Variants in RCAN2 observed in about 807,000 individuals in gnomAD.
RCAN2 encodes calcipressin-2.
RCAN2 carries 9 observed loss-of-function variants against 23.6 expected under a neutral mutation model. The observed-to-expected ratio is 0.38, with a 90% CI of 0.23 to 0.67. The LOEUF (loss-of-function observed/expected upper bound fraction) is 0.67. RCAN2 is among the 30% of genes least tolerant of loss of function. The pLI is 0.51. For synonymous variants in RCAN2, 109 were observed against 115.7 expected (o/e 0.94, Z 0.37); for missense variants, 273 against 302.3 (o/e 0.90, Z 0.72).
chr6:46,319,878 C>T (rs562465921), intron 2 of RCAN2, among the ~76,000 whole-genome samples: 1 of 152,270 alleles, frequency 6.6e-6, no homozygotes, highest in East Asian at 1.9e-4. Flanking sequence ...TGCCATCTCT[C>T]TTGCCACCTC....
chr6:46,228,025 C>G (rs80166814), intron 4 of RCAN2, among the ~76,000 whole-genome samples: 2 of 152,116 alleles, frequency 1.3e-5, no homozygotes, highest in South Asian at 2.1e-4. Flanking sequence ...CCTTCATTTC[C>G]TTATGTACCC....
rs16874605 is a variant in RCAN2 at position 46,440,519 on chromosome 6, T to C, written c.225+16233A>G. ...CATCCTTAATGATCACTGGACATCT[T>C]CTTTACATGTTAAAAGATGATTGTT... On this transcript the variant is annotated intron_variant, in intron 2 of 4. Coordinates refer to ENST00000371374, the MANE Select transcript of RCAN2 (RefSeq NM_001251974.2). Among the ~76,000 whole-genome samples, 311 of 152,080 alleles carry C rather than the reference T, an allele frequency of 2.0e-3. 7 individuals are homozygous for C. In the East Asian group the frequency reaches 0.054, roughly 27 times the overall value.
intron 2 of RCAN2, among the ~76,000 whole-genome samples, chr6:46,415,699 TA>T (rs955167667): frequency 7.3e-5 from 11 of 151,526 alleles, no homozygotes; most frequent in South Asian, 4.2e-4. Context: ...CAATGACTTT[TA>T]AAAAAAAATT....
intron 2 of RCAN2, among the ~76,000 whole-genome samples, chr6:46,294,289 C>T (rs1762652135): frequency 6.6e-6 from 1 of 152,120 alleles, no homozygotes; most frequent in African/African-American, 2.4e-5. Flanking sequence ...TTTATTGAAT[C>T]AGAAAACATA....
intron 2 of RCAN2, among the ~76,000 whole-genome samples, chr6:46,418,473 G>C (rs186960660): frequency 4.0e-5 from 6 of 151,640 alleles, no homozygotes; most frequent in African/African-American, 1.5e-4. Context: ...CTTACAATCA[G>C]TGCCTTGTAA....
At chr6:46,362,882 C>G (rs911894430) in intron 2 of RCAN2, among the ~76,000 whole-genome samples, 1 of 152,142 alleles carries the variant, frequency 6.6e-6, no homozygotes, top group African/African-American at 2.4e-5. Flanking sequence ...TTCCTCTTAT[C>G]AGGGGATGAA....
intron 2 of RCAN2, among the ~76,000 whole-genome samples, chr6:46,278,826 T>C (rs1582057951): frequency 1.3e-5 from 2 of 152,334 alleles, no homozygotes; most frequent in East Asian, 3.9e-4. Flanking sequence ...TGCAAATATT[T>C]TAAAATTCCA....
intron 2 of RCAN2, 36 bp downstream of exon 2, chr6:46,456,716 C>T (rs754743026): frequency 1.4e-5 from 19 of 1,406,156 alleles, no homozygotes; most frequent in Non-Finnish European, 1.8e-5. Flanking sequence ...AATGCCATAT[C>T]TCCCCATGTT....
intron 2 of RCAN2, among the ~76,000 whole-genome samples, chr6:46,268,241 T>A (rs1767406312): frequency 6.6e-6 from 1 of 152,222 alleles, no homozygotes; most frequent in Non-Finnish European, 1.5e-5. Context: ...AATTCCTAAA[T>A]GCATTTCTAC....
At chr6:46,287,087 C>G (rs1444846304) in intron 2 of RCAN2, among the ~76,000 whole-genome samples, 1 of 152,048 alleles carries the variant, frequency 6.6e-6, no homozygotes, top group Non-Finnish European at 1.5e-5. Context: ...TAGGAAGTGA[C>G]TGGCAGAGCC....
intron 2 of RCAN2, among the ~76,000 whole-genome samples, chr6:46,272,769 C>T (rs1307473884): frequency 6.6e-6 from 1 of 152,150 alleles, no homozygotes; most frequent in East Asian, 1.9e-4. Context: ...AATTTTCAGT[C>T]TGTATCACTC....
intron 2 of RCAN2, among the ~76,000 whole-genome samples, chr6:46,429,222 G>A (rs1767118014): frequency 6.6e-6 from 1 of 152,186 alleles, no homozygotes; most frequent in Admixed American, 6.5e-5. Flanking sequence ...GGGGAACACA[G>A]TATGCTAGAT....
At chr6:46,396,333 G>C (rs1370616919) in intron 2 of RCAN2, among the ~76,000 whole-genome samples, 1 of 152,140 alleles carries the variant, frequency 6.6e-6, no homozygotes, top group East Asian at 1.9e-4. Flanking sequence ...ATGGTGCTCA[G>C]AACTATGAAG....
At chr6:46,429,903 C>T (rs1008575411) in intron 2 of RCAN2, among the ~76,000 whole-genome samples, 5 of 152,042 alleles carry the variant, frequency 3.3e-5, no homozygotes, top group Non-Finnish European at 5.9e-5. Flanking sequence ...CATGCAAAGA[C>T]CCTGGGAATA....
intron 2 of RCAN2, among the ~76,000 whole-genome samples, chr6:46,326,078 T>G (rs115580035): frequency 1.9e-3 from 295 of 152,262 alleles, no homozygotes; most frequent in African/African-American, 6.4e-3. Context: ...CAGCCACACA[T>G]GTTCTGGGCA....
intron 2 of RCAN2, among the ~76,000 whole-genome samples, chr6:46,264,360 T>A (rs1050524438): frequency 1.3e-5 from 2 of 152,220 alleles, no homozygotes; most frequent in Admixed American, 6.5e-5. Context: ...ATTTTTCCCA[T>A]GAAATTAAAA....
chr6:46,222,116 G>T lies in RCAN2; in HGVS notation c.*1025C>A. 2 of 396,906 alleles carry T rather than the reference G, an allele frequency of 5.0e-6. No individual in the cohort carries two copies. Among genetic ancestry groups the T allele is most frequent in the Non-Finnish European group, 8.9e-6 (2 of 225,116 alleles). 24.6% of individuals were successfully genotyped at this position (396,906 alleles called of 1,614,324 possible). On this transcript the variant is annotated 3_prime_UTR_variant, in exon 5 of 5. Transcript: ENST00000371374. ...GATGTTGGCTAATCATGTATATATT[G>T]GCATTAGATGTTTTGTGTCCTTTCA... is the stretch of plus-strand genomic sequence containing the variant.
chr6:46,438,159 A>C (rs535959367), intron 2 of RCAN2, among the ~76,000 whole-genome samples: 1 of 152,332 alleles, frequency 6.6e-6, no homozygotes, highest in Non-Finnish European at 1.5e-5. Flanking sequence ...ACACAAGAGG[A>C]GGGCCTGAAA....
In RCAN2 at chr6:46,278,696, T is replaced by C. The variant is rs576544925; in HGVS notation, c.226-29800A>G. Among the ~76,000 whole-genome samples, 6 of 152,338 alleles carry C rather than the reference T, an allele frequency of 3.9e-5. No homozygotes were observed. The East Asian group carries it at 1.2e-3, about 29-fold the overall frequency. On this transcript the variant is annotated intron_variant, in intron 2 of 4. Coordinates refer to ENST00000371374, the MANE Select transcript of RCAN2 (RefSeq NM_001251974.2). ...TCGTTTCATCTGGAACATTCCTCAC[T>C]CTTTGACATTGACATCTTTGTATTG...
Sources: allele counts gnomAD v4.1 joint callset (sites outside exome capture counted in the v4.1 genomes callset), GRCh38; gene constraint gnomAD v4.1.1; transcripts MANE v1.5; gene names NCBI Gene and HGNC (gene_info 2026-07-23, HGNC 2026-07-21).